Variants in ADGRG4 observed in about 807,000 individuals in gnomAD.
ADGRG4 encodes the protein G protein-coupled receptor 112.
A neutral mutation model predicts 126.2 loss-of-function variants in ADGRG4; 122 were observed. The observed-to-expected ratio is 0.97, with a 90% CI of 0.83 to 1.12. The LOEUF (loss-of-function observed/expected upper bound fraction) is 1.12, where lower values mean the gene tolerates loss of function less well. Among genes scored for constraint, ADGRG4 ranks in the 50% most tolerant of loss-of-function variants. The pLI is 0.00. For synonymous variants in ADGRG4, 943 were observed against 838.7 expected (o/e 1.12, Z -2.15); for missense variants, 2,481 against 2,251.8 (o/e 1.10, Z -2.06).
rs777557966 is a variant in ADGRG4, at chrX:136,392,345, A to G, written c.8025A>G (p.Gly2675=). 6.8e-5 allele frequency: 79 copies of G among 1,159,072 alleles called. No individual in the cohort carries two copies. The Middle Eastern group carries it at 3.4e-3, about 49-fold the overall frequency. ...TGGTTATCACTCTGCAGCATATTGGAGGAAACCAGGTAATATATCTATTTT... is the reference window on the plus strand; with the variant it reads ...TGGTTATCACTCTGCAGCATATTGGGGGAAACCAGGTAATATATCTATTTT... ...DPVVITLQHI[G]GNQNYGQVHC... is the part of the protein sequence containing the mutation. The change falls in exon 17 of 26, where the codon GGA becomes GGG. Residue 2675 remains glycine (G), a synonymous_variant. Coordinates refer to ENST00000394143, the MANE Select transcript of ADGRG4 (RefSeq NM_153834.4).
At chrX:136,327,351 G>A (rs1194351083) in intron 5 of ADGRG4, among the ~76,000 whole-genome samples, 3 of 110,216 alleles carry the variant, frequency 2.7e-5, no homozygotes, top group African/African-American at 9.9e-5. Flanking sequence ...CACCAACATG[G>A]CCCATGTATG....
chrX:136,347,259 C>G lies in ADGRG4; in HGVS notation c.3553C>G (p.Leu1185Val). ...AGTAGAGGAGACTTCTACCTATGCT[C>G]TCAGCTTCCCATATACTTTCAGTGG... ...SQVEETSTYA[L>V]SFPYTFSGGG... Residue 1185 changes from leucine to valine, a missense_variant, in exon 6 of 26, where the codon CTC becomes GTC. Leu to Val is a conservative substitution (Grantham distance 32). Transcript: ENST00000394143. 2.5e-6 allele frequency: 3 copies of G among 1,211,291 alleles called. No homozygotes were observed. The highest frequency in any genetic ancestry group is 3.4e-6 in the Non-Finnish European group (3 of 895,105).
rs1569338573 is a variant in ADGRG4, at chrX:136,403,281, G to GA, written c.8619dup (p.Asp2874ArgfsTer16). On this transcript the variant is annotated frameshift_variant, in exon 22 of 26. Transcript: ENST00000394143. LOFTEE classifies it high-confidence loss of function. ...TCATGGTGGCAATCACAGTCAGTGT[G>GA]AAAAAAGATCTGTATGGAACTCTGA... 5 of 1,210,253 alleles carry GA rather than the reference G, an allele frequency of 4.1e-6. No homozygotes were observed. In the Admixed American group the frequency reaches 1.1e-4, roughly 26 times the overall value.
rs762387949 is a variant in ADGRG4 at position 136,361,497 on chromosome X, A to G, written c.7187A>G (p.Lys2396Arg). The change falls in exon 12 of 26, where the codon AAA becomes AGA. Residue 2396 changes from lysine (K) to arginine (R), a missense_variant. Physicochemically the swap from Lys to Arg is conservative, Grantham distance 26. Transcript: ENST00000394143. Reference protein sequence around the residue: ...CKADETASKYKGTYKWLLTNP... With the variant: ...CKADETASKYRGTYKWLLTNP... ...GCTGATGAAACAGCCTCTAAATACA[A>G]AGGGACCTATAAGTGGCTATTAACC... is the stretch of plus-strand genomic sequence containing the variant. 9.3e-6 allele frequency: 11 copies of G among 1,187,102 alleles called. No individual in the cohort carries two copies. Among genetic ancestry groups the G allele is most frequent in the South Asian group, 1.9e-5 (1 of 52,794 alleles).
rs149924831 is a variant in ADGRG4, at chrX:136,346,174, C to T, written c.2468C>T (p.Thr823Met). 8.3e-6 allele frequency: 10 copies of T among 1,205,236 alleles called. No individual in the cohort carries two copies. The highest frequency in any genetic ancestry group is 5.3e-5 in the African/African-American group (3 of 56,985). Residue 823 changes from threonine (T) to methionine (M), a missense_variant, in exon 6 of 26, where the codon ACG becomes ATG. By Grantham distance (81) the Thr-to-Met change is moderately conservative. Transcript: ENST00000394143. Reference protein sequence around the residue: ...INGAIVFGGTTTPVPKSATTQ... With the variant: ...INGAIVFGGTMTPVPKSATTQ... ...GGTGCAATTGTATTTGGAGGTACAA[C>T]GACCCCTGTACCAAAGTCAGCAACA...
chrX:136,305,305 A>T (rs773671802), intron 3 of ADGRG4, among the ~76,000 whole-genome samples: 1 of 111,776 alleles, frequency 8.9e-6, no homozygotes, highest in South Asian at 3.8e-4. Context: ...AAGATATGAG[A>T]TGAAGAGGAA....
At chrX:136,331,417 C>T (rs1431838635) in intron 5 of ADGRG4, among the ~76,000 whole-genome samples, 2 of 112,457 alleles carry the variant, frequency 1.8e-5, no homozygotes, top group Non-Finnish European at 3.8e-5. Flanking sequence ...TTAGGAACCT[C>T]CAAACTGTTT....
chrX:136,397,491 C>CTTTTTT (rs1184936316), intron 19 of ADGRG4, among the ~76,000 whole-genome samples: 82 of 50,515 alleles, frequency 1.6e-3, no homozygotes, highest in Non-Finnish European at 2.4e-3. Flanking sequence ...AGGAAAAGGA[C>CTTTTTT]TTTTTTTTTT....
At chrX:136,325,548 C>T (rs541277003) in intron 5 of ADGRG4, among the ~76,000 whole-genome samples, 1 of 111,232 alleles carries the variant, frequency 9.0e-6, no homozygotes, top group East Asian at 2.8e-4. Context: ...TCTAAGGAAC[C>T]GGAAGTATGG....
chrX:136,378,489 G>A (rs766326082), intron 15 of ADGRG4, among the ~76,000 whole-genome samples: 3 of 110,638 alleles, frequency 2.7e-5, no homozygotes, highest in African/African-American at 6.5e-5. Flanking sequence ...TCTTTTTGGG[G>A]GCCTATTCTG....
chrX:136,320,337 A>G (rs2074832369), intron 4 of ADGRG4, among the ~76,000 whole-genome samples: 1 of 112,285 alleles, frequency 8.9e-6, no homozygotes, highest in African/African-American at 3.2e-5. Context: ...ATTATATACA[A>G]TTAAGATTGC....
At chrX:136,402,597 G>A (rs1438801044) in intron 21 of ADGRG4, among the ~76,000 whole-genome samples, 1 of 110,620 alleles carries the variant, frequency 9.0e-6, no homozygotes, top group Non-Finnish European at 1.9e-5. Context: ...ATACAATTGA[G>A]AGATAAAGAA....
At chrX:136,401,729 G>C (rs770041561) in intron 21 of ADGRG4, among the ~76,000 whole-genome samples, 1 of 112,434 alleles carries the variant, frequency 8.9e-6, no homozygotes, top group East Asian at 2.8e-4. Context: ...CACGTGAGTT[G>C]TAGGATTCCC....
chrX:136,369,626 A>G (rs1216265722), intron 13 of ADGRG4, among the ~76,000 whole-genome samples: 1 of 112,547 alleles, frequency 8.9e-6, no homozygotes, highest in East Asian at 2.8e-4. Context: ...TTCCATTTTA[A>G]ACAAAGTCTG....
intron 24 of ADGRG4, among the ~76,000 whole-genome samples, chrX:136,413,296 A>G (rs1435431397): frequency 1.0e-5 from 1 of 96,993 alleles, no homozygotes; most frequent in Non-Finnish European, 2.0e-5. Context: ...TGTCCACGTG[A>G]TCTCATTGTT....
chrX:136,320,750 C>T (rs1414876288), intron 4 of ADGRG4, among the ~76,000 whole-genome samples: 2 of 109,585 alleles, frequency 1.8e-5, no homozygotes, highest in African/African-American at 6.7e-5. Context: ...GAGATATCAT[C>T]TCTAAAAAGA....
chrX:136,376,113 C>T (rs931266628), intron 15 of ADGRG4, among the ~76,000 whole-genome samples: 5 of 111,660 alleles, frequency 4.5e-5, no homozygotes, highest in East Asian at 2.8e-4. Flanking sequence ...CATTTTTCTC[C>T]GTGTGGCTTA....
intron 3 of ADGRG4, among the ~76,000 whole-genome samples, chrX:136,307,633 A>C (rs956454090): frequency 8.9e-6 from 1 of 112,833 alleles, no homozygotes; most frequent in African/African-American, 3.2e-5. Flanking sequence ...CATTAAATGT[A>C]AAGTGGGTCT....
chrX:136,342,002 A>T (rs2074981794), intron 5 of ADGRG4, among the ~76,000 whole-genome samples: 1 of 112,083 alleles, frequency 8.9e-6, no homozygotes, highest in African/African-American at 3.2e-5. Flanking sequence ...TTGGAGAAAG[A>T]TCATGACTCA....
Sources: allele counts gnomAD v4.1 joint callset (sites outside exome capture counted in the v4.1 genomes callset), GRCh38; gene constraint gnomAD v4.1.1; transcripts MANE v1.5; gene names NCBI Gene and HGNC (gene_info 2026-07-23, HGNC 2026-07-21).